Variants in KCNMA1 observed in about 807,000 individuals in gnomAD.
KCNMA1 encodes potassium calcium-activated channel subfamily M alpha 1, also known as Calcium-activated potassium channel subunit alpha-1.
A neutral mutation model predicts 140.0 loss-of-function variants in KCNMA1; 29 were observed. The observed-to-expected ratio is 0.21, with a 90% CI of 0.15 to 0.28. KCNMA1 has a LOEUF of 0.28. Among genes scored for constraint, KCNMA1 ranks in the 10% least tolerant of loss-of-function variants. KCNMA1 has a pLI of 1.00. For synonymous variants in KCNMA1, 612 were observed against 611.9 expected, an observed-to-expected ratio of 1.00 and a Z score of 0.00; for missense variants, 880 against 1,602.2, an observed-to-expected ratio of 0.55 and a Z score of 7.70.
chr10:77,104,155 C>G (rs1036839426), intron 9 of KCNMA1, among the ~76,000 whole-genome samples: 1 of 152,190 alleles, frequency 6.6e-6, no homozygotes, highest in African/African-American at 2.4e-5. Flanking sequence ...CTCACAGGAT[C>G]AATGTGAGGA....
intron 1 of KCNMA1, among the ~76,000 whole-genome samples, chr10:77,589,351 C>T (rs947381868): frequency 6.6e-5 from 10 of 152,140 alleles, no homozygotes; most frequent in Non-Finnish European, 1.5e-4. Flanking sequence ...ATGGACGGCC[C>T]TTCTTGTTCC....
intron 1 of KCNMA1, among the ~76,000 whole-genome samples, chr10:77,619,110 A>T (rs1046529430): frequency 6.6e-6 from 1 of 152,226 alleles, no homozygotes; most frequent in African/African-American, 2.4e-5. Context: ...CCAGTCATCC[A>T]TGGCTATGTA....
intron 3 of KCNMA1, among the ~76,000 whole-genome samples, chr10:77,215,395 CTT>C (rs1299949007): frequency 9.3e-6 from 1 of 107,292 alleles, no homozygotes; most frequent in Non-Finnish European, 2.0e-5. Flanking sequence ...TTTTGTCTGT[CTT>C]TTATTTTTGC....
intron 1 of KCNMA1, among the ~76,000 whole-genome samples, chr10:77,414,772 G>C (rs2096702163): frequency 6.6e-6 from 1 of 152,140 alleles, no homozygotes; most frequent in African/African-American, 2.4e-5. Context: ...TTACAGGCGT[G>C]AGCCACCACG....
chr10:77,245,493 A>C (rs1301777464), intron 3 of KCNMA1, among the ~76,000 whole-genome samples: 4 of 152,200 alleles, frequency 2.6e-5, no homozygotes, highest in Non-Finnish European at 5.9e-5. Flanking sequence ...ACAAGGCTGG[A>C]GAAGGAAGCC....
intron 3 of KCNMA1, among the ~76,000 whole-genome samples, chr10:77,216,508 T>C (rs2047831890): frequency 6.6e-6 from 1 of 152,120 alleles, no homozygotes; most frequent in African/African-American, 2.4e-5. Context: ...AGCCACTGCT[T>C]TATATGCCAC....
intron 3 of KCNMA1, among the ~76,000 whole-genome samples, chr10:77,213,607 A>G (rs2046805224): frequency 6.6e-6 from 1 of 152,158 alleles, no homozygotes; most frequent in African/African-American, 2.4e-5. Context: ...GGCCTGGGAC[A>G]TAGCTCCCAG....
At chr10:76,932,399 T>C (rs1163678610) in intron 23 of KCNMA1, among the ~76,000 whole-genome samples, 2 of 152,050 alleles carry the variant, frequency 1.3e-5, no homozygotes, top group Non-Finnish European at 1.5e-5. Context: ...AGTGAGAAAA[T>C]TGAGATAAAA....
intron 1 of KCNMA1, among the ~76,000 whole-genome samples, chr10:77,524,360 C>T (rs34802013): frequency 0.15 from 23,308 of 152,222 alleles, 2,108 homozygotes; most frequent in Middle Eastern, 0.25. Flanking sequence ...TCCATCCCCA[C>T]GGTAAGAGAA....
chr10:77,561,115 T>C (rs1392745580), intron 1 of KCNMA1, among the ~76,000 whole-genome samples: 2 of 121,746 alleles, frequency 1.6e-5, no homozygotes, highest in African/African-American at 3.2e-5. Flanking sequence ...ACTAGAACTA[T>C]ATAAAAATAC....
chr10:77,389,628 GA>G (rs1361070125), intron 2 of KCNMA1, among the ~76,000 whole-genome samples: 1 of 152,164 alleles, frequency 6.6e-6, no homozygotes, highest in African/African-American at 2.4e-5. Context: ...GCTTCCAACT[GA>G]GGAAGGTTCC....
At chr10:76,913,842 G>T in intron 24 of KCNMA1, 1 of 549,520 alleles carries the variant, frequency 1.8e-6, no homozygotes, top group Non-Finnish European at 3.2e-6. Flanking sequence ...TGTGATCAAA[G>T]GTTTACTGAT....
intron 5 of KCNMA1, among the ~76,000 whole-genome samples, chr10:77,127,434 T>C (rs1480498955): frequency 1.3e-5 from 2 of 152,038 alleles, no homozygotes; most frequent in Admixed American, 1.3e-4. Context: ...ATTCAGACAT[T>C]AGGACTCAAG....
At chr10:77,404,076 A>G in intron 1 of KCNMA1, 53 bp from the exon 2 acceptor site, 1 of 1,582,216 alleles carries the variant, frequency 6.3e-7, no homozygotes, top group Non-Finnish European at 8.7e-7. Flanking sequence ...GATTTAAATA[A>G]CATGCTCTAC....
chr10:77,121,338 T>C (rs1028737412), intron 5 of KCNMA1, among the ~76,000 whole-genome samples: 5 of 152,372 alleles, frequency 3.3e-5, no homozygotes, highest in Middle Eastern at 3.4e-3. Context: ...TGATCTCTGA[T>C]TGAAAGCACT....
At chr10:77,314,711 T>C (rs2080279774) in intron 2 of KCNMA1, among the ~76,000 whole-genome samples, 1 of 152,128 alleles carries the variant, frequency 6.6e-6, no homozygotes, top group Admixed American at 6.5e-5. Flanking sequence ...GAACCCATGT[T>C]AGCTCCTGGT....
chr10:77,265,066 T>C (rs75583768), intron 2 of KCNMA1, among the ~76,000 whole-genome samples: 1 of 152,068 alleles, frequency 6.6e-6, no homozygotes, highest in South Asian at 2.1e-4. Flanking sequence ...TTTTTTTTTT[T>C]CCTGAGACAG....
At chr10:77,580,333 A>T (rs2075501487) in intron 1 of KCNMA1, among the ~76,000 whole-genome samples, 1 of 150,222 alleles carries the variant, frequency 6.7e-6, no homozygotes, top group African/African-American at 2.5e-5. Flanking sequence ...GTGAGCCGAG[A>T]TGGCGCCACT....
At position 76,915,003 on chromosome 10, in the gene KCNMA1, T is replaced by G; in HGVS notation, c.2949A>C (p.Pro983=). 1 of 1,612,274 alleles carries G rather than the reference T, an allele frequency of 6.2e-7. No individual in the cohort carries two copies. The highest frequency in any genetic ancestry group is 8.5e-7 in the Non-Finnish European group (1 of 1,178,720). The change falls in exon 24 of 28, where the codon CCA becomes CCC. Residue 983 remains proline, a synonymous_variant. Coordinates refer to ENST00000286628, the MANE Select transcript of KCNMA1 (RefSeq NM_001161352.2). ...GMDRSSPDNS[P]VHGMLRQPSI... ...ATGGTTGACGTAACATCCCGTGCAC[T>G]GGGCTGTTATCTGGAGAGGATCTAT...
Sources: gnomAD v4.1 joint callset for allele counts (sites outside exome capture counted in the v4.1 genomes callset) on GRCh38, gnomAD v4.1.1 for gene constraint, MANE v1.5 for transcripts, NCBI Gene and HGNC (gene_info 2026-07-23, HGNC 2026-07-21) for gene names.